The following ZC3H12B variants were observed in gnomAD, a reference collection of about 807,000 sequenced individuals.
ZC3H12B encodes the protein probable ribonuclease ZC3H12B.
In ZC3H12B, 7 loss-of-function variants were observed where a neutral mutation model predicts 43.9. The ratio of observed to expected loss-of-function variants is 0.16; its 90% CI spans 0.09 to 0.30. ZC3H12B has a LOEUF of 0.30. ZC3H12B is among the 10% of genes least tolerant of loss of function. The pLI is 1.00. For synonymous variants in ZC3H12B, 222 were observed against 241.7 expected (o/e 0.92, Z 0.76); for missense variants, 475 against 670.2 (o/e 0.71, Z 3.22).
At chrX:65,285,781 G>C in the ZC3H12B span, among the ~76,000 whole-genome samples, 1 of 111,226 alleles carries the variant, frequency 9.0e-6, no homozygotes, top group African/African-American at 3.3e-5. Flanking sequence ...TATTAGGAAA[G>C]CAAGCAAGAA....
chrX:65,098,575 A>G, the ZC3H12B span, among the ~76,000 whole-genome samples: 1 of 109,852 alleles, frequency 9.1e-6, no homozygotes, highest in East Asian at 2.9e-4. Flanking sequence ...CTGGTTAGGC[A>G]GTGGCTTCAG....
the ZC3H12B span, among the ~76,000 whole-genome samples, chrX:65,092,580 C>T: frequency 3.6e-5 from 4 of 111,820 alleles, no homozygotes; most frequent in Non-Finnish European, 7.5e-5. Context: ...AAGAGGAAGG[C>T]TGCATCATGC....
chrX:65,225,319 T>C, the ZC3H12B span, among the ~76,000 whole-genome samples: 1 of 112,360 alleles, frequency 8.9e-6, no homozygotes, highest in Non-Finnish European at 1.9e-5. Context: ...GAGGGTCCTG[T>C]CTGTTAAAAG....
At chrX:65,283,038 C>A in the ZC3H12B span, among the ~76,000 whole-genome samples, 28 of 111,547 alleles carry the variant, frequency 2.5e-4, no homozygotes, top group Non-Finnish European at 3.8e-5. Flanking sequence ...AATTTTAGAC[C>A]AATATCACTG....
At chrX:65,142,148 G>T in the ZC3H12B span, among the ~76,000 whole-genome samples, 1 of 111,961 alleles carries the variant, frequency 8.9e-6, no homozygotes, top group African/African-American at 3.2e-5. Flanking sequence ...AGTATTCCCT[G>T]TTCACCACAT....
chrX:65,163,135 C>A, the ZC3H12B span, among the ~76,000 whole-genome samples: 1 of 110,587 alleles, frequency 9.0e-6, no homozygotes, highest in African/African-American at 3.3e-5. Context: ...GAAGTTTTGT[C>A]TCAGAGGAAT....
chrX:65,223,851 A>C, the ZC3H12B span, among the ~76,000 whole-genome samples: 2 of 112,278 alleles, frequency 1.8e-5, no homozygotes, highest in Non-Finnish European at 3.8e-5. Context: ...TATGATGATG[A>C]GGGAATGTAA....
At position 65,428,370 on chromosome X, in the gene ZC3H12B, C is replaced by T. The variant is rs138824535; in HGVS notation, n.407+29666C>T. Among the ~76,000 whole-genome samples the T allele has an allele frequency of 7.6e-4, 85 of 112,289 alleles. No individual in the cohort carries two copies. The East Asian group carries it at 0.022, about 30-fold the overall frequency. The stretch of plus-strand genomic sequence containing the variant: ...TGAAGTATGTTTTCCAACTTGGTTA[C>T]ATTCTCCCTGTCTCTGGTACCTCTA... On this transcript the variant is annotated intron_variant and non_coding_transcript_variant, in intron 3 of 5. Transcript: ENST00000617377.
At chrX:65,466,136 C>T (rs1051965024) in intron 3 of ZC3H12B, among the ~76,000 whole-genome samples, 1 of 110,107 alleles carries the variant, frequency 9.1e-6, no homozygotes. Context: ...AACTTTATAC[C>T]CCTTGACAGA....
chrX:65,420,914 C>T (rs12013183), intron 3 of ZC3H12B, among the ~76,000 whole-genome samples: 69 of 112,350 alleles, frequency 6.1e-4, no homozygotes, highest in African/African-American at 1.9e-3. Flanking sequence ...ATTGATCAGG[C>T]AAAATTACTT....
At chrX:65,212,886 T>C in the ZC3H12B span, among the ~76,000 whole-genome samples, 2 of 106,833 alleles carry the variant, frequency 1.9e-5, no homozygotes, top group Admixed American at 2.1e-4. Flanking sequence ...AAATATTTTA[T>C]GAACTAATAA....
exon 5 of ZC3H12B, chrX:65,506,158 CCT>C (rs1475151288): frequency 1.8e-5 from 2 of 111,983 alleles, no homozygotes; most frequent in Non-Finnish European, 3.8e-5. Flanking sequence ...TTTTTCAAGG[CCT>C]CTTTATTACC....
chrX:65,189,064 G>A, the ZC3H12B span, among the ~76,000 whole-genome samples: 8 of 100,369 alleles, frequency 8.0e-5, no homozygotes, highest in Admixed American at 2.2e-4. Context: ...TTTTGTTCTT[G>A]CGATAGTTTA....
At chrX:65,276,419 A>G in the ZC3H12B span, among the ~76,000 whole-genome samples, 2 of 111,586 alleles carry the variant, frequency 1.8e-5, no homozygotes, top group African/African-American at 6.5e-5. Context: ...ACATTAAAGA[A>G]AAAGAAAGAA....
At chrX:65,455,949 G>T (rs937375685) in intron 3 of ZC3H12B, among the ~76,000 whole-genome samples, 26 of 111,744 alleles carry the variant, frequency 2.3e-4, no homozygotes, top group Non-Finnish European at 3.9e-4. Flanking sequence ...TCACCACCAG[G>T]CCTTCCCTAA....
At chrX:65,393,770 G>A (rs191538505) in intron 2 of ZC3H12B, among the ~76,000 whole-genome samples, 29 of 111,387 alleles carry the variant, frequency 2.6e-4, no homozygotes, top group East Asian at 2.5e-3. Flanking sequence ...TTGAGGAATC[G>A]CCACACTGTC....
intron 3 of ZC3H12B, among the ~76,000 whole-genome samples, chrX:65,410,615 A>G (rs770270556): frequency 1.8e-5 from 2 of 109,549 alleles, no homozygotes; most frequent in South Asian, 7.4e-4. Context: ...AAAGAACTCT[A>G]TAGGAAAACA....
chrX:65,082,603 A>C, the ZC3H12B span, among the ~76,000 whole-genome samples: 1 of 111,244 alleles, frequency 9.0e-6, no homozygotes, highest in Non-Finnish European at 1.9e-5. Flanking sequence ...ACAAGTAATG[A>C]GATCGAAGCT....
the ZC3H12B span, among the ~76,000 whole-genome samples, chrX:65,329,411 G>A: frequency 7.4e-5 from 8 of 107,626 alleles, no homozygotes; most frequent in East Asian, 2.8e-4. Flanking sequence ...TTTTTTTCTT[G>A]TAAATGTGTT....
Sources: allele counts gnomAD v4.1 joint callset (sites outside exome capture counted in the v4.1 genomes callset), GRCh38; gene constraint gnomAD v4.1.1; transcripts MANE v1.5; gene names NCBI Gene and HGNC (gene_info 2026-07-23, HGNC 2026-07-21).